PPP3CA: variants seen among roughly 807,000 people sequenced by gnomAD.
PPP3CA encodes the protein CAM-PRP catalytic subunit.
Under a neutral mutation model 66.5 loss-of-function variants are expected in PPP3CA, and 14 were observed. That is an observed-to-expected ratio of 0.21 (90% CI 0.14 to 0.33). PPP3CA has a LOEUF of 0.33. Ranked by LOEUF, PPP3CA falls within the 10% of genes least tolerant of loss-of-function variation. The probability of loss-of-function intolerance (pLI) is 1.00; values close to 1 mark genes in which losing one functional copy is unlikely to be tolerated. For synonymous variants in PPP3CA, 232 were observed against 226.2 expected, an observed-to-expected ratio of 1.03 and a Z score of -0.23; for missense variants, 317 against 639.5, an observed-to-expected ratio of 0.50 and a Z score of 5.44.
At chr4:101,318,768 T>C (rs1728954366) in intron 1 of PPP3CA, among the ~76,000 whole-genome samples, 1 of 152,188 alleles carries the variant, frequency 6.6e-6, no homozygotes, top group African/African-American at 2.4e-5. Flanking sequence ...TGAGTCTAAC[T>C]TGATAGTCAG....
chr4:101,326,820 C>T (rs1051452376), intron 1 of PPP3CA, among the ~76,000 whole-genome samples: 3 of 152,172 alleles, frequency 2.0e-5, no homozygotes, highest in Admixed American at 6.5e-5. Context: ...CATCTCTGAA[C>T]AAGTAGCTGG....
intron 2 of PPP3CA, among the ~76,000 whole-genome samples, chr4:101,157,721 G>A (rs1256409077): frequency 6.6e-6 from 1 of 152,066 alleles, no homozygotes; most frequent in African/African-American, 2.4e-5. Context: ...TGTAAAGTTT[G>A]TTCAATGCTT....
At chr4:101,276,582 T>C (rs1727501632) in intron 1 of PPP3CA, among the ~76,000 whole-genome samples, 1 of 152,216 alleles carries the variant, frequency 6.6e-6, no homozygotes, top group Non-Finnish European at 1.5e-5. Flanking sequence ...CATGGTACTT[T>C]CACATACATT....
intron 1 of PPP3CA, among the ~76,000 whole-genome samples, chr4:101,327,677 T>C (rs1427403630): frequency 1.3e-5 from 2 of 148,416 alleles, no homozygotes; most frequent in Non-Finnish European, 2.9e-5. Flanking sequence ...GTATATGTAT[T>C]ATAAATGTTG....
chr4:101,131,061 A>C (rs1722413731), intron 2 of PPP3CA, among the ~76,000 whole-genome samples: 2 of 151,526 alleles, frequency 1.3e-5, no homozygotes, highest in Non-Finnish European at 2.9e-5. Context: ...ACCTGGTGAA[A>C]CCCCGTCTCT....
chr4:101,216,314 G>C (rs577438653), intron 1 of PPP3CA, among the ~76,000 whole-genome samples: 2 of 152,162 alleles, frequency 1.3e-5, no homozygotes, highest in African/African-American at 4.8e-5. Flanking sequence ...AAATGACACT[G>C]TCTCAGATTA....
At chr4:101,034,113 C>T (rs2110206950) in intron 11 of PPP3CA, among the ~76,000 whole-genome samples, 1 of 152,278 alleles carries the variant, frequency 6.6e-6, no homozygotes, top group East Asian at 1.9e-4. Flanking sequence ...GGAGGTTTCA[C>T]AAAGGCCTTA....
chr4:101,321,878 C>G (rs1024072409), intron 1 of PPP3CA, among the ~76,000 whole-genome samples: 1 of 152,144 alleles, frequency 6.6e-6, no homozygotes, highest in African/African-American at 2.4e-5. Context: ...GAAAAACAAG[C>G]CGACCAAAAA....
chr4:101,260,702 AC>A (rs1726985447), intron 1 of PPP3CA, among the ~76,000 whole-genome samples: 1 of 152,106 alleles, frequency 6.6e-6, no homozygotes, highest in Admixed American at 6.6e-5. Flanking sequence ...TGAAAAAGCA[AC>A]CTTCGTTCAT....
intron 2 of PPP3CA, chr4:101,171,292 A>G (rs1723869901): frequency 6.7e-6 from 3 of 449,016 alleles, no homozygotes; most frequent in South Asian, 3.2e-5. Flanking sequence ...CTAAACATGT[A>G]TATTCTTTAA....
rs181667079 is a variant in PPP3CA, at chr4:101,220,175, T to G, written c.59-24059A>C. Reference sequence around the variant, plus strand: ...TTCATATAAAGGAAATCAGATTTAGTGGCCTACTTTTTATAAAAGATGTTC... The same window carrying G: ...TTCATATAAAGGAAATCAGATTTAGGGGCCTACTTTTTATAAAAGATGTTC... On this transcript the variant is annotated intron_variant, in intron 1 of 13. Transcript: ENST00000394854. Among the ~76,000 whole-genome samples, 131 of 151,932 alleles carry G rather than the reference T, an allele frequency of 8.6e-4. 1 individual carries two copies. The highest frequency in any genetic ancestry group is 3.0e-3 in the African/African-American group (125 of 41,546).
intron 1 of PPP3CA, among the ~76,000 whole-genome samples, chr4:101,281,462 A>G (rs1227256527): frequency 6.6e-6 from 1 of 152,258 alleles, no homozygotes; most frequent in Non-Finnish European, 1.5e-5. Flanking sequence ...GGTGAGATCC[A>G]GTAAAGAAGC....
At chr4:101,125,588 G>C (rs1394976144) in intron 2 of PPP3CA, among the ~76,000 whole-genome samples, 1 of 152,108 alleles carries the variant, frequency 6.6e-6, no homozygotes, top group Non-Finnish European at 1.5e-5. Flanking sequence ...AAAGAAAAGG[G>C]ATTGGGAAAA....
intron 1 of PPP3CA, among the ~76,000 whole-genome samples, chr4:101,220,424 A>T (rs1198696458): frequency 6.6e-6 from 1 of 151,624 alleles, no homozygotes; most frequent in Non-Finnish European, 1.5e-5. Flanking sequence ...ATCTCTTTAT[A>T]ATCAAACTAA....
At chr4:101,133,624 C>A (rs993798662) in intron 2 of PPP3CA, among the ~76,000 whole-genome samples, 1 of 152,146 alleles carries the variant, frequency 6.6e-6, no homozygotes, top group African/African-American at 2.4e-5. Context: ...ACATTCCATG[C>A]TCATGGATAG....
intron 1 of PPP3CA, among the ~76,000 whole-genome samples, chr4:101,342,852 T>G (rs1309410486): frequency 6.6e-6 from 1 of 152,202 alleles, no homozygotes; most frequent in Non-Finnish European, 1.5e-5. Flanking sequence ...GTTTTCTTTT[T>G]AAGTAGTATT....
At chr4:101,235,442 C>CACACAA (rs1202434441) in intron 1 of PPP3CA, among the ~76,000 whole-genome samples, 7 of 151,450 alleles carry the variant, frequency 4.6e-5, no homozygotes, top group Non-Finnish European at 1.0e-4. Context: ...CACACACACA[C>CACACAA]ACACACACAC....
intron 1 of PPP3CA, among the ~76,000 whole-genome samples, chr4:101,281,003 CAGG>C (rs1182509684): frequency 6.6e-6 from 1 of 151,990 alleles, no homozygotes; most frequent in East Asian, 1.9e-4. Flanking sequence ...GCCTATGATG[CAGG>C]AGGAGAACCA....
chr4:101,215,847 T>C (rs373634912), intron 1 of PPP3CA, among the ~76,000 whole-genome samples: 1 of 152,124 alleles, frequency 6.6e-6, no homozygotes, highest in Admixed American at 6.6e-5. Context: ...TTTTTCCATA[T>C]AGTATAAAGA....
Sources: gnomAD v4.1 joint callset for allele counts (sites outside exome capture counted in the v4.1 genomes callset) on GRCh38, gnomAD v4.1.1 for gene constraint, MANE v1.5 for transcripts, NCBI Gene and HGNC (gene_info 2026-07-23, HGNC 2026-07-21) for gene names.